Variants in PPEF1 observed in about 807,000 individuals in gnomAD.
The protein encoded by PPEF1 is protein phosphatase with EF-hand domain 1.
In PPEF1, 12 loss-of-function variants were observed where a neutral mutation model predicts 53.3. The ratio of observed to expected loss-of-function variants is 0.23; its 90% CI spans 0.14 to 0.36. The LOEUF is 0.36. Ranked by LOEUF, PPEF1 falls within the 10% of genes least tolerant of loss-of-function variation. The pLI is 1.00. For missense variants in PPEF1, 334 were observed against 490.4 expected (o/e 0.68, Z 3.01); for synonymous variants, 165 against 176.7 (o/e 0.93, Z 0.52).
upstream of PPEF1, among the ~76,000 whole-genome samples, chrX:18,703,695 T>C (rs765826915): frequency 9.0e-6 from 1 of 111,683 alleles, no homozygotes; most frequent in Non-Finnish European, 1.9e-5. Context: ...TTTGATGCTT[T>C]TTAGTTCTTA....
intron 5 of PPEF1, among the ~76,000 whole-genome samples, chrX:18,760,732 C>T (rs1211774200): frequency 9.2e-6 from 1 of 108,155 alleles, no homozygotes; most frequent in Non-Finnish European, 1.9e-5. Context: ...CTCAGTCAGC[C>T]TCCTGAGTAG....
chrX:18,692,623 A>C (rs760229074), intron 4 of PPEF1, among the ~76,000 whole-genome samples: 3 of 110,968 alleles, frequency 2.7e-5, no homozygotes, highest in Admixed American at 9.7e-5. Flanking sequence ...TTCAGCCCTT[A>C]CCATCTATCT....
chrX:18,682,173 A>G (rs1483818836), upstream of PPEF1, among the ~76,000 whole-genome samples: 6 of 112,471 alleles, frequency 5.3e-5, no homozygotes, highest in Admixed American at 5.6e-4. Flanking sequence ...GCCTCCTCTG[A>G]GTACATATTT....
intron 9 of PPEF1, among the ~76,000 whole-genome samples, chrX:18,786,780 CAAAAAAAAAAAA>C (rs761641178): frequency 1.7e-5 from 1 of 58,833 alleles, no homozygotes; most frequent in Non-Finnish European, 3.0e-5. Flanking sequence ...AACACTATCT[CAAAAAAAAAAAA>C]AAAAAAAAGA....
chrX:18,721,817 A>G (rs759127165), intron 1 of PPEF1, among the ~76,000 whole-genome samples: 6 of 112,223 alleles, frequency 5.3e-5, no homozygotes, highest in Non-Finnish European at 1.1e-4. Flanking sequence ...CCTGAGAATG[A>G]CACAATTATG....
chrX:18,724,596 C>T (rs1569248657), intron 1 of PPEF1, among the ~76,000 whole-genome samples: 1 of 112,130 alleles, frequency 8.9e-6, no homozygotes, highest in African/African-American at 3.2e-5. Flanking sequence ...CCTTGCTACA[C>T]ATGCTCCTCA....
intron 6 of PPEF1, among the ~76,000 whole-genome samples, chrX:18,763,471 T>C (rs1331947667): frequency 1.8e-5 from 2 of 111,433 alleles, no homozygotes; most frequent in Non-Finnish European, 3.8e-5. Context: ...AATATTTAAC[T>C]GAACCACTCA....
chrX:18,809,670 A>G (rs954533862), intron 12 of PPEF1, among the ~76,000 whole-genome samples: 1 of 107,383 alleles, frequency 9.3e-6, no homozygotes, highest in African/African-American at 3.5e-5. Flanking sequence ...GCACCACTGC[A>G]CTCCAGGTTG....
Position 18,806,270 on chromosome X carries a change from A to T in PPEF1, c.1252-133A>T, listed in dbSNP as rs2046662029. ...GATGCAGTCATAGAAATCACATCAG[A>T]CTGTGATGATTTGCAGGGTTTATGA... On this transcript the variant is annotated intron_variant, in intron 11 of 15. Transcript: ENST00000470157. 5.8e-6 allele frequency: 4 copies of T among 687,422 alleles called. No homozygotes were observed. The Admixed American group carries it at 1.2e-4, about 21-fold the overall frequency. 56.7% of individuals were successfully genotyped at this position (687,422 alleles called of 1,213,427 possible).
intron 14 of PPEF1, among the ~76,000 whole-genome samples, chrX:18,824,716 T>G (rs2047132750): frequency 9.1e-6 from 1 of 109,787 alleles, no homozygotes; most frequent in South Asian, 4.0e-4. Flanking sequence ...CAGGCTGGAG[T>G]GCAGTGGTGC....
Position 18,827,753 on chromosome X carries a change from T to G in PPEF1, c.*266T>G. ...AGAAACTGGGTTGGACCTAGTGGTG[T>G]TGTCGTGAGTGCCACCTAACCAGGA... On this transcript the variant is annotated 3_prime_UTR_variant, in exon 16 of 16. Coordinates refer to ENST00000470157, the MANE Select transcript of PPEF1 (RefSeq NM_001377996.1). 6.7e-6 allele frequency: 2 copies of G among 298,780 alleles called. No homozygotes were observed. Among genetic ancestry groups the G allele is most frequent in the East Asian group, 5.5e-5 (1 of 18,170 alleles). The allele number at this position is 298,780 out of a possible 1,213,427, so 24.6% of individuals were successfully genotyped here. A position where few individuals can be genotyped will look rare whatever the true frequency, so the allele number is the denominator to read the frequency against.
At position 18,791,262 on chromosome X, in the gene PPEF1, A is replaced by G. The variant is rs1040257752; in HGVS notation, c.1065+1989A>G. 5.4e-5 allele frequency among the ~76,000 whole-genome samples: 6 copies of G among 111,589 alleles called. No individual in the cohort carries two copies. The South Asian group carries it at 1.5e-3, about 28-fold the overall frequency. On this transcript the variant is annotated intron_variant, in intron 10 of 15. Transcript: ENST00000470157. ...ATATGAATTTTAGGATTGATTTGTC[A>G]ATATCTACCAAAAAGCAGCTGGGAT...
chrX:18,746,259 A>G (rs1410192208), intron 3 of PPEF1, among the ~76,000 whole-genome samples: 1 of 112,465 alleles, frequency 8.9e-6, no homozygotes, highest in Non-Finnish European at 1.9e-5. Context: ...CAAGAACAGT[A>G]TATACATAAG....
At chrX:18,799,222 G>A (rs1208472157) in intron 10 of PPEF1, among the ~76,000 whole-genome samples, 1 of 97,635 alleles carries the variant, frequency 1.0e-5, no homozygotes, top group South Asian at 5.1e-4. Context: ...GACAGAGCAA[G>A]ACCCCGTCTC....
Position 18,784,062 on chromosome X carries a change from T to G in PPEF1, c.912+14T>G. On this transcript the variant is annotated intron_variant, in intron 9 of 15. Transcript: ENST00000470157. ...GAGAGGAACAAGGTAAGAAGTAATG[T>G]TGGCATGAATCTTCTCTCAGGGATT... 1 of 1,169,149 alleles carries G rather than the reference T, an allele frequency of 8.6e-7. No homozygotes were observed.
intron 9 of PPEF1, among the ~76,000 whole-genome samples, chrX:18,784,557 C>T (rs2046162666): frequency 1.8e-5 from 2 of 109,676 alleles, no homozygotes; most frequent in South Asian, 7.9e-4. Context: ...CCCATTCTCC[C>T]CTGTCCCAGC....
chrX:18,717,267 G>A (rs995552996), intron 1 of PPEF1, among the ~76,000 whole-genome samples: 1 of 108,066 alleles, frequency 9.3e-6, no homozygotes, highest in South Asian at 4.1e-4. Flanking sequence ...ACTTCAGCAT[G>A]CATCTACTAA....
At chrX:18,752,539 G>T (rs917297828) in intron 4 of PPEF1, among the ~76,000 whole-genome samples, 1 of 111,246 alleles carries the variant, frequency 9.0e-6, no homozygotes, top group East Asian at 2.8e-4. Flanking sequence ...ATATTGAATA[G>T]CAGTGTGAAA....
intron 3 of PPEF1, among the ~76,000 whole-genome samples, chrX:18,690,034 A>C (rs922909952): frequency 2.7e-5 from 3 of 111,050 alleles, no homozygotes; most frequent in Non-Finnish European, 5.7e-5. Flanking sequence ...TCATAAAATG[A>C]ATACTTGTCC....
Sources: allele counts gnomAD v4.1 joint callset (sites outside exome capture counted in the v4.1 genomes callset), GRCh38; gene constraint gnomAD v4.1.1; transcripts MANE v1.5; gene names NCBI Gene and HGNC (gene_info 2026-07-23, HGNC 2026-07-21).